The following CPE variants were observed in gnomAD, a reference collection of about 807,000 sequenced individuals.
The protein encoded by CPE is carboxypeptidase E.
Under a neutral mutation model 53.5 loss-of-function variants are expected in CPE, and 17 were observed. The ratio of observed to expected loss-of-function variants is 0.32; its 90% CI spans 0.22 to 0.48. CPE has a LOEUF of 0.48. Ranked by LOEUF, CPE falls within the 20% of genes least tolerant of loss-of-function variation. The probability of loss-of-function intolerance (pLI) is 0.99; values close to 1 mark genes in which losing one functional copy is unlikely to be tolerated. For synonymous variants in CPE, 226 were observed against 228.8 expected (o/e 0.99, Z 0.11); for missense variants, 524 against 614.7 (o/e 0.85, Z 1.56).
chr4:165,411,509 G>T (rs1731041931), intron 1 of CPE, among the ~76,000 whole-genome samples: 1 of 152,058 alleles, frequency 6.6e-6, no homozygotes, highest in Non-Finnish European at 1.5e-5. Context: ...AATTGGCCAG[G>T]AATAGCCTTT....
At chr4:165,492,500 T>C (rs575036292) in intron 6 of CPE, among the ~76,000 whole-genome samples, 1 of 152,228 alleles carries the variant, frequency 6.6e-6, no homozygotes, top group East Asian at 1.9e-4. Context: ...AAGGAAGGGC[T>C]TTATTATTCA....
chr4:165,397,424 A>G (rs964438922), intron 1 of CPE, among the ~76,000 whole-genome samples: 2 of 152,240 alleles, frequency 1.3e-5, no homozygotes, highest in Non-Finnish European at 2.9e-5. Context: ...ACATGTATAT[A>G]TAGCTACATT....
chr4:165,456,627 C>T (rs2126695396), intron 1 of CPE, among the ~76,000 whole-genome samples: 1 of 152,018 alleles, frequency 6.6e-6, no homozygotes, highest in East Asian at 1.9e-4. Context: ...AGTGCAGTGG[C>T]GCGATCTCGG....
At chr4:165,491,619 A>T (rs1284267340) in intron 6 of CPE, among the ~76,000 whole-genome samples, 3 of 152,210 alleles carry the variant, frequency 2.0e-5, no homozygotes, top group African/African-American at 7.2e-5. Context: ...TTAAATTTTT[A>T]AAAATATATT....
At chr4:165,436,695 G>T (rs1318148343) in intron 1 of CPE, among the ~76,000 whole-genome samples, 1 of 152,106 alleles carries the variant, frequency 6.6e-6, no homozygotes, top group Non-Finnish European at 1.5e-5. Flanking sequence ...TTAGAGATGG[G>T]CTCTTGCTAT....
At chr4:165,447,005 G>A (rs111779745) in intron 1 of CPE, among the ~76,000 whole-genome samples, 1 of 152,156 alleles carries the variant, frequency 6.6e-6, no homozygotes, top group Non-Finnish European at 1.5e-5. Flanking sequence ...ATTGCTCCTA[G>A]GCTACAAACC....
At chr4:165,449,892 G>T (rs1731779161) in intron 1 of CPE, among the ~76,000 whole-genome samples, 3 of 151,936 alleles carry the variant, frequency 2.0e-5, no homozygotes, top group African/African-American at 7.3e-5. Flanking sequence ...TGGTCACAAA[G>T]AAATATTTTA....
chr4:165,380,833 A>G (rs766424309), intron 1 of CPE, among the ~76,000 whole-genome samples: 2 of 152,252 alleles, frequency 1.3e-5, no homozygotes, highest in Non-Finnish European at 2.9e-5. Flanking sequence ...ATCAGATCCT[A>G]GAAAACATTT....
chr4:165,497,373 G>A (rs1732720126), intron 8 of CPE, 139 bp from the exon 9 acceptor site: 3 of 426,776 alleles, frequency 7.0e-6, no homozygotes, highest in African/African-American at 4.1e-5. Flanking sequence ...TTTGTTTATT[G>A]CAAGAGATTT....
chr4:165,382,493 TTTTG>T (rs1730519371), intron 1 of CPE, among the ~76,000 whole-genome samples: 1 of 152,188 alleles, frequency 6.6e-6, no homozygotes, highest in Non-Finnish European at 1.5e-5. Flanking sequence ...AATTGCTCAC[TTTTG>T]TTTTATTTTC....
At position 165,383,025 on chromosome 4, in the gene CPE, C is replaced by G. The variant is rs112458438; in HGVS notation, c.307+3497C>G. 2.5e-3 allele frequency among the ~76,000 whole-genome samples: 384 copies of G among 152,204 alleles called. 3 individuals are homozygous for G. Among genetic ancestry groups the G allele is most frequent in the African/African-American group, 8.9e-3 (368 of 41,532 alleles). ...GCAAAAATCTATTGAAAGAGAGTTG[C>G]GAGTAGCAGCCAATTTCAATAAGCA... is the stretch of plus-strand genomic sequence containing the variant. On this transcript the variant is annotated intron_variant, in intron 1 of 8. Coordinates refer to ENST00000402744, the MANE Select transcript of CPE (RefSeq NM_001873.4).
intron 1 of CPE, among the ~76,000 whole-genome samples, chr4:165,391,284 A>C (rs546325891): frequency 6.6e-6 from 1 of 152,266 alleles, no homozygotes; most frequent in Non-Finnish European, 1.5e-5. Context: ...AGACTTGTTA[A>C]TATTTTTTCA....
intron 1 of CPE, among the ~76,000 whole-genome samples, chr4:165,443,870 C>A (rs1026967705): frequency 2.6e-5 from 4 of 152,112 alleles, no homozygotes. Context: ...ATGGCTGAAT[C>A]CTTATGAATG....
chr4:165,404,457 T>G (rs1560871575), intron 1 of CPE: 1 of 771,354 alleles, frequency 1.3e-6, no homozygotes, highest in East Asian at 2.4e-5. Context: ...GAAAAGCCCT[T>G]CCCAGACTGG....
At chr4:165,458,299 G>A (rs1731936776) in intron 1 of CPE, among the ~76,000 whole-genome samples, 1 of 152,116 alleles carries the variant, frequency 6.6e-6, no homozygotes, top group Non-Finnish European at 1.5e-5. Flanking sequence ...TTGAAAAATG[G>A]GGTTTTACCT....
chr4:165,486,202 A>G (rs1309373636), intron 5 of CPE, among the ~76,000 whole-genome samples: 2 of 134,196 alleles, frequency 1.5e-5, no homozygotes, highest in Non-Finnish European at 3.3e-5. Flanking sequence ...TTCTCTGGAA[A>G]AGGGGTGGGG....
At chr4:165,477,225 T>C (rs1246452463) in intron 3 of CPE, among the ~76,000 whole-genome samples, 1 of 152,246 alleles carries the variant, frequency 6.6e-6, no homozygotes, top group Non-Finnish European at 1.5e-5. Flanking sequence ...GATTAGATGT[T>C]TTTGTATTTC....
rs147557557 is a variant in CPE at position 165,481,891 on chromosome 4, C to G, written c.673-351C>G. Among the ~76,000 whole-genome samples, 304 of 152,272 alleles carry G rather than the reference C, an allele frequency of 2.0e-3. 3 individuals carry two copies. Among genetic ancestry groups the G allele is most frequent in the Middle Eastern group, 0.01 (3 of 294 alleles). ...TCTCCTCATATTATCCTTAACTATT[C>G]ATAATAACAATGTGTGAACCACTAC... On this transcript the variant is annotated intron_variant, in intron 3 of 8. Coordinates refer to ENST00000402744, the MANE Select transcript of CPE (RefSeq NM_001873.4).
At chr4:165,413,738 C>T (rs73003681) in intron 1 of CPE, among the ~76,000 whole-genome samples, 4 of 152,240 alleles carry the variant, frequency 2.6e-5, no homozygotes, top group Admixed American at 2.6e-4. Flanking sequence ...AGGGGACAAC[C>T]AACACAGCTC....
Sources: gnomAD v4.1 joint callset for allele counts (sites outside exome capture counted in the v4.1 genomes callset) on GRCh38, gnomAD v4.1.1 for gene constraint, MANE v1.5 for transcripts, NCBI Gene and HGNC (gene_info 2026-07-23, HGNC 2026-07-21) for gene names.